TSHZ2: variants seen among roughly 807,000 people sequenced by gnomAD.
TSHZ2 encodes teashirt homolog 2.
TSHZ2 carries 21 observed loss-of-function variants against 74.4 expected under a neutral mutation model. The ratio of observed to expected loss-of-function variants is 0.28; its 90% CI spans 0.20 to 0.41. The LOEUF is 0.41. TSHZ2 is among the 10% of genes least tolerant of loss of function. The pLI is 1.00. For synonymous variants in TSHZ2, 540 were observed against 515.3 expected, an observed-to-expected ratio of 1.05 and a Z score of -0.65; for missense variants, 1,244 against 1,293.5, an observed-to-expected ratio of 0.96 and a Z score of 0.59.
chr20:53,345,457 G>T (rs185601195), intron 2 of TSHZ2, among the ~76,000 whole-genome samples: 602 of 152,050 alleles, frequency 4.0e-3, no homozygotes, highest in Middle Eastern at 6.8e-3. Context: ...CCATAGGAAA[G>T]CTATGTTGTA....
At chr20:53,085,747 A>C (rs1184261268) in intron 1 of TSHZ2, among the ~76,000 whole-genome samples, 1 of 152,194 alleles carries the variant, frequency 6.6e-6, no homozygotes, top group East Asian at 1.9e-4. Context: ...ATGATCTTAA[A>C]CACTATGCCC....
chr20:53,188,288 G>A (rs911066998), intron 1 of TSHZ2, among the ~76,000 whole-genome samples: 6 of 152,172 alleles, frequency 3.9e-5, no homozygotes, highest in Non-Finnish European at 7.3e-5. Context: ...CTCTACAGCC[G>A]AGGGGACTTT....
chr20:53,243,003 A>G (rs1314364408), intron 1 of TSHZ2, among the ~76,000 whole-genome samples: 1 of 152,184 alleles, frequency 6.6e-6, no homozygotes, highest in Non-Finnish European at 1.5e-5. Context: ...GAAATAAGGT[A>G]TACAAAAGAA....
intron 2 of TSHZ2, among the ~76,000 whole-genome samples, chr20:53,262,344 A>G (rs1017301042): frequency 6.6e-6 from 1 of 152,142 alleles, no homozygotes; most frequent in African/African-American, 2.4e-5. Context: ...TCTCTAACGC[A>G]TTGACACTAA....
intron 2 of TSHZ2, among the ~76,000 whole-genome samples, chr20:53,462,168 C>T (rs1434486116): frequency 6.6e-6 from 1 of 152,094 alleles, no homozygotes; most frequent in East Asian, 1.9e-4. Context: ...GTGGAAGAAT[C>T]ACTTGAACCT....
intron 1 of TSHZ2, among the ~76,000 whole-genome samples, chr20:53,220,164 G>A (rs10485450): frequency 2.6e-5 from 4 of 152,176 alleles, no homozygotes; most frequent in East Asian, 3.9e-4. Context: ...TCAAAATAAC[G>A]CATTTAGCTA....
intron 1 of TSHZ2, among the ~76,000 whole-genome samples, chr20:53,170,220 C>A (rs530160769): frequency 6.6e-6 from 1 of 152,298 alleles, no homozygotes; most frequent in Admixed American, 6.5e-5. Context: ...GCTTCTAATT[C>A]CATGTTAACA....
chr20:53,366,359 T>G (rs1390580622), intron 2 of TSHZ2, among the ~76,000 whole-genome samples: 6 of 152,234 alleles, frequency 3.9e-5, no homozygotes, highest in Non-Finnish European at 1.5e-5. Flanking sequence ...TCTGTCCACC[T>G]ATCGTAAAAG....
At chr20:53,202,595 C>T (rs1372862518) in intron 1 of TSHZ2, among the ~76,000 whole-genome samples, 1 of 152,102 alleles carries the variant, frequency 6.6e-6, no homozygotes, top group Non-Finnish European at 1.5e-5. Context: ...TTATTAAACC[C>T]ATTCTACAGA....
intron 2 of TSHZ2, among the ~76,000 whole-genome samples, chr20:53,388,879 G>A (rs1158662325): frequency 3.3e-5 from 5 of 152,156 alleles, no homozygotes; most frequent in South Asian, 4.1e-4. Flanking sequence ...CACCACACCC[G>A]GCTGCCTCTG....
intron 2 of TSHZ2, among the ~76,000 whole-genome samples, chr20:53,474,852 G>A (rs1420508214): frequency 6.9e-6 from 1 of 144,214 alleles, no homozygotes; most frequent in Non-Finnish European, 1.5e-5. Context: ...GGCAGGGGTT[G>A]CAATCCTAGT....
intron 1 of TSHZ2, among the ~76,000 whole-genome samples, chr20:53,229,604 G>T (rs774792964): frequency 2.0e-5 from 3 of 152,082 alleles, no homozygotes; most frequent in Non-Finnish European, 4.4e-5. Context: ...TCAGCTTTTC[G>T]AACTAAATAG....
intron 1 of TSHZ2, among the ~76,000 whole-genome samples, chr20:53,102,397 G>A (rs535126038): frequency 1.1e-4 from 13 of 123,434 alleles, no homozygotes; most frequent in Admixed American, 2.0e-4. Flanking sequence ...TGAGTTTAAC[G>A]AAAAAAAAAG....
intron 1 of TSHZ2, among the ~76,000 whole-genome samples, chr20:53,058,108 T>C (rs964622700): frequency 6.6e-6 from 1 of 152,130 alleles, no homozygotes; most frequent in South Asian, 2.1e-4. Flanking sequence ...CAGTTCACAA[T>C]AGGGTTTAGG....
chr20:53,319,982 T>C (rs1979184418), intron 2 of TSHZ2, among the ~76,000 whole-genome samples: 1 of 152,202 alleles, frequency 6.6e-6, no homozygotes, highest in African/African-American at 2.4e-5. Context: ...TAGCATTTGC[T>C]TTCCCTTCTT....
At chr20:53,308,096 G>A (rs1373790014) in intron 2 of TSHZ2, among the ~76,000 whole-genome samples, 1 of 152,172 alleles carries the variant, frequency 6.6e-6, no homozygotes, top group African/African-American at 2.4e-5. Flanking sequence ...GCATCTTTCC[G>A]AGAGCCTGAC....
chr20:53,303,242 G>C (rs899297919), intron 2 of TSHZ2, among the ~76,000 whole-genome samples: 2 of 152,142 alleles, frequency 1.3e-5, no homozygotes, highest in African/African-American at 2.4e-5. Flanking sequence ...CTCTAGATGA[G>C]TTCTGCGCCC....
chr20:53,383,495 C>T (rs1981932671), intron 2 of TSHZ2, among the ~76,000 whole-genome samples: 1 of 151,998 alleles, frequency 6.6e-6, no homozygotes, highest in Non-Finnish European at 1.5e-5. Flanking sequence ...TGCGGTGGCT[C>T]ATGCCTGTAA....
chr20:53,283,968 A>C (rs1188176710), intron 2 of TSHZ2, among the ~76,000 whole-genome samples: 2 of 152,228 alleles, frequency 1.3e-5, no homozygotes, highest in African/African-American at 4.8e-5. Flanking sequence ...AAGAGGCTTG[A>C]ATGTAGAGCT....
Sources: gnomAD v4.1 joint callset for allele counts (sites outside exome capture counted in the v4.1 genomes callset) on GRCh38, gnomAD v4.1.1 for gene constraint, MANE v1.5 for transcripts, NCBI Gene and HGNC (gene_info 2026-07-23, HGNC 2026-07-21) for gene names.